QTGAL: variants seen among roughly 807,000 people sequenced by gnomAD.
QTGAL encodes the protein queuosine-tRNA galactosyltransferase.
chr17:83,022,471 G>A, the QTGAL span, among the ~76,000 whole-genome samples: 2 of 50,122 alleles, frequency 4.0e-5, no homozygotes, highest in South Asian at 1.6e-3. Flanking sequence ...CACTGTCCCC[G>A]GCCCACCTGC....
the QTGAL span, chr17:82,961,130 C>T: frequency 3.8e-5 from 61 of 1,607,826 alleles, no homozygotes; most frequent in East Asian, 2.5e-4. Context: ...CGGATGACGC[C>T]GCCGCCCTTC....
the QTGAL span, among the ~76,000 whole-genome samples, chr17:82,970,382 A>T: frequency 6.6e-6 from 1 of 152,278 alleles, no homozygotes; most frequent in Admixed American, 6.5e-5. Context: ...GCAACCATTT[A>T]GCTTCCTGTT....
chr17:83,037,595 C>T, the QTGAL span, among the ~76,000 whole-genome samples: 10 of 152,320 alleles, frequency 6.6e-5, no homozygotes, highest in South Asian at 2.1e-4. The surrounding 1 kb of genome is among the most constrained non-coding windows in gnomAD (Gnocchi z 5.2). Flanking sequence ...CCTCCATCAT[C>T]GCTGCAGGGC....
chr17:82,990,579 C>T, the QTGAL span, among the ~76,000 whole-genome samples: 1 of 152,244 alleles, frequency 6.6e-6, no homozygotes, highest in African/African-American at 2.4e-5. Context: ...GACTTGATGG[C>T]ACCTAATTCC....
chr17:82,948,818 CAA>C, the QTGAL span: 4 of 152,174 alleles, frequency 2.6e-5, no homozygotes, highest in African/African-American at 9.7e-5. Context: ...CCAGTTGTAT[CAA>C]AGATGTAATT....
chr17:82,964,255 C>CAAAAA, the QTGAL span, among the ~76,000 whole-genome samples: 13 of 72,410 alleles, frequency 1.8e-4, no homozygotes, highest in African/African-American at 7.2e-4. Flanking sequence ...GACCCTGTCT[C>CAAAAA]AAAAAAAAAA....
At chr17:82,965,645 C>T in the QTGAL span, 1 of 1,602,682 alleles carries the variant, frequency 6.2e-7, no homozygotes, top group South Asian at 1.1e-5. Flanking sequence ...CGCCTTCGGC[C>T]CTTACCTGAC....
chr17:82,991,183 C>G, the QTGAL span, among the ~76,000 whole-genome samples: 2 of 152,156 alleles, frequency 1.3e-5, no homozygotes. Context: ...CCAAAGATTT[C>G]TTAGATACAA....
At chr17:83,014,325 T>C in the QTGAL span, 2 of 986,262 alleles carry the variant, frequency 2.0e-6, no homozygotes, top group Admixed American at 2.5e-5. Context: ...CAGCCACAGA[T>C]CCCTCTCCGT....
chr17:83,023,920 C>T, the QTGAL span, among the ~76,000 whole-genome samples: 79 of 152,312 alleles, frequency 5.2e-4, 1 homozygote, highest in East Asian at 0.014. Flanking sequence ...TTGCCTTTCT[C>T]GATTTTCTGC....
chr17:82,969,412 T>C, the QTGAL span, among the ~76,000 whole-genome samples: 1 of 152,234 alleles, frequency 6.6e-6, no homozygotes, highest in Non-Finnish European at 1.5e-5. Context: ...TTTCGCTACG[T>C]TGCCCAGGCT....
At chr17:83,007,386 A>G in the QTGAL span, 1 of 590,356 alleles carries the variant, frequency 1.7e-6, no homozygotes, top group Non-Finnish European at 2.1e-6. Flanking sequence ...GTACAATTGC[A>G]TCTGTTTCCT....
At chr17:83,005,892 C>T in the QTGAL span, 34 of 1,365,778 alleles carry the variant, frequency 2.5e-5, no homozygotes, top group Admixed American at 1.6e-4. The surrounding 1 kb of genome is among the most constrained non-coding windows in gnomAD (Gnocchi z 5.6). Flanking sequence ...ACCTCTGCCC[C>T]GGAGTGGGCT....
the QTGAL span, among the ~76,000 whole-genome samples, chr17:82,955,724 A>T: frequency 6.6e-6 from 1 of 152,232 alleles, no homozygotes; most frequent in Non-Finnish European, 1.5e-5. Flanking sequence ...CACCATTCAC[A>T]ATAGCAAAGA....
At chr17:83,034,796 C>T in the QTGAL span, among the ~76,000 whole-genome samples, 3 of 152,204 alleles carry the variant, frequency 2.0e-5, no homozygotes, top group Non-Finnish European at 4.4e-5. Flanking sequence ...GTCAGACATG[C>T]GCGACTGTGA....
the QTGAL span, among the ~76,000 whole-genome samples, chr17:83,037,096 C>T: frequency 2.6e-5 from 4 of 152,282 alleles, no homozygotes; most frequent in East Asian, 1.9e-4. This position sits in a 1 kb window ranked among gnomAD's most constrained non-coding sequence, Gnocchi z 5.2. Context: ...GCAAAACAGA[C>T]GTGTGCAGAA....
chr17:83,012,888 G>A, the QTGAL span, among the ~76,000 whole-genome samples: 376 of 152,046 alleles, frequency 2.5e-3, no homozygotes, highest in African/African-American at 8.4e-3. Flanking sequence ...GGCTGGGGTA[G>A]AAATCACCCC....
the QTGAL span, among the ~76,000 whole-genome samples, chr17:83,042,124 T>C: frequency 2.0e-4 from 30 of 152,226 alleles, no homozygotes; most frequent in Non-Finnish European, 5.9e-5. Flanking sequence ...CCCCACACTT[T>C]GGGAGGCCAA....
chr17:83,012,932 C>A, the QTGAL span, among the ~76,000 whole-genome samples: 2 of 151,738 alleles, frequency 1.3e-5, no homozygotes, highest in African/African-American at 4.9e-5. Context: ...CCGTCCCACC[C>A]GACAAGCAGA....
Sources: gnomAD v4.1 joint callset for allele counts (sites outside exome capture counted in the v4.1 genomes callset) on GRCh38, gnomAD v4.1.1 for gene constraint, Gnocchi (gnomAD v3.1) non-coding constraint, MANE v1.5 for transcripts, NCBI Gene and HGNC (gene_info 2026-07-23, HGNC 2026-07-21) for gene names.